MACROD2: variants seen among roughly 807,000 people sequenced by gnomAD.
MACROD2 encodes the protein ADP-ribose glycohydrolase MACROD2.
A neutral mutation model predicts 70.4 loss-of-function variants in MACROD2; 36 were observed. That is an observed-to-expected ratio of 0.51 (90% CI 0.39 to 0.68). The LOEUF (loss-of-function observed/expected upper bound fraction) is 0.68. MACROD2 is among the 30% of genes least tolerant of loss of function. The pLI is 0.00. For missense variants in MACROD2, 496 were observed against 538.4 expected, an observed-to-expected ratio of 0.92 and a Z score of 0.78; for synonymous variants, 172 against 178.8, an observed-to-expected ratio of 0.96 and a Z score of 0.30.
At chr20:15,938,525 T>G (rs1241916190) in intron 12 of MACROD2, among the ~76,000 whole-genome samples, 1 of 152,178 alleles carries the variant, frequency 6.6e-6, no homozygotes, top group Non-Finnish European at 1.5e-5. Context: ...ACTGTGCCCA[T>G]ATAAGATAGT....
chr20:14,744,915 C>T (rs942824552), intron 5 of MACROD2, among the ~76,000 whole-genome samples: 1 of 152,108 alleles, frequency 6.6e-6, no homozygotes, highest in Non-Finnish European at 1.5e-5. Context: ...AAGTAAGAAA[C>T]GTTTGTTTTT....
chr20:14,619,530 GGGAA>G (rs1359505732), intron 4 of MACROD2, among the ~76,000 whole-genome samples: 4 of 128,160 alleles, frequency 3.1e-5, no homozygotes, highest in African/African-American at 8.9e-5. Context: ...GAAGGAGGGA[GGGAA>G]GGAAGGAAGG....
At chr20:15,799,934 T>C (rs1465743258) in intron 8 of MACROD2, among the ~76,000 whole-genome samples, 1 of 152,232 alleles carries the variant, frequency 6.6e-6, no homozygotes, top group East Asian at 1.9e-4. Flanking sequence ...GTCAACACTT[T>C]TTTTTCTTTT....
At chr20:15,508,516 C>T (rs1322070731) in intron 8 of MACROD2, among the ~76,000 whole-genome samples, 1 of 152,120 alleles carries the variant, frequency 6.6e-6, no homozygotes, top group Non-Finnish European at 1.5e-5. Flanking sequence ...TGCATTCTGT[C>T]TTCACAAAAC....
At chr20:15,431,521 T>C (rs2146357749) in intron 7 of MACROD2, 86 bp downstream of exon 7, 1 of 1,249,442 alleles carries the variant, frequency 8.0e-7, no homozygotes, top group Admixed American at 1.8e-5. Context: ...AGAGGTTCTC[T>C]GATGAATATA....
At chr20:15,835,328 C>A (rs1235180502) in intron 8 of MACROD2, among the ~76,000 whole-genome samples, 1 of 151,782 alleles carries the variant, frequency 6.6e-6, no homozygotes, top group Non-Finnish European at 1.5e-5. Context: ...TTCTTCCTCC[C>A]CCCTTTTCCA....
intron 8 of MACROD2, among the ~76,000 whole-genome samples, chr20:15,511,455 A>G (rs1253053977): frequency 2.0e-5 from 3 of 152,144 alleles, no homozygotes; most frequent in African/African-American, 7.2e-5. Context: ...GGGGTCTTTA[A>G]AAAAAGGCCC....
At chr20:14,963,400 A>T (rs1357031452) in intron 5 of MACROD2, among the ~76,000 whole-genome samples, 1 of 152,088 alleles carries the variant, frequency 6.6e-6, no homozygotes, top group East Asian at 1.9e-4. Context: ...TCATTATTCT[A>T]TTAGACAATG....
intron 3 of MACROD2, among the ~76,000 whole-genome samples, chr20:14,440,712 A>G (rs2084111170): frequency 6.6e-6 from 1 of 152,192 alleles, no homozygotes; most frequent in African/African-American, 2.4e-5. Context: ...GGAAAAGGGA[A>G]AACCATTGCT....
chr20:14,049,369 A>G (rs568750569), intron 2 of MACROD2, among the ~76,000 whole-genome samples: 181 of 151,996 alleles, frequency 1.2e-3, no homozygotes, highest in South Asian at 9.3e-3. Context: ...ACCTCAAGGA[A>G]CTCTATTTGT....
In MACROD2 at chr20:14,845,624, C is replaced by T. The variant is rs147727515; in HGVS notation, c.418+160665C>T. Among the ~76,000 whole-genome samples, 403 of 152,192 alleles carry T rather than the reference C, an allele frequency of 2.6e-3. 4 individuals are homozygous for T. The highest frequency in any genetic ancestry group is 4.5e-3 in the Non-Finnish European group (308 of 67,996). On this transcript the variant is annotated intron_variant, in intron 5 of 17. Coordinates refer to ENST00000684519, the MANE Select transcript of MACROD2 (RefSeq NM_001351661.2). ...CTTCAAAGGAGAGCAGAATGCATTT[C>T]TTGTACAGAATTCCTGGATATGTTT...
rs368929928 is a variant in MACROD2, at chr20:15,171,383, C to G, written c.419-58557C>G. Among the ~76,000 whole-genome samples the G allele has an allele frequency of 6.6e-5, 10 of 150,956 alleles. No individual in the cohort carries two copies. The East Asian group carries it at 1.8e-3, about 27-fold the overall frequency. ...TCCCCTCCATCCTTCCCCCACCTTTCTCCTTGTGTCTCTCTTTCTCCATTT... is the reference window on the plus strand; with the variant it reads ...TCCCCTCCATCCTTCCCCCACCTTTGTCCTTGTGTCTCTCTTTCTCCATTT... On this transcript the variant is annotated intron_variant, in intron 5 of 17. Transcript: ENST00000684519.
intron 17 of MACROD2, among the ~76,000 whole-genome samples, chr20:16,048,945 A>G (rs891543776): frequency 6.6e-6 from 1 of 152,230 alleles, no homozygotes; most frequent in Admixed American, 6.5e-5. Flanking sequence ...AAAGTGACAT[A>G]TACATACATG....
At chr20:15,740,711 C>CT (rs11474009) in intron 8 of MACROD2, among the ~76,000 whole-genome samples, 4,272 of 144,994 alleles carry the variant, frequency 0.029, 181 homozygotes, top group African/African-American at 0.093. Flanking sequence ...TACATGGAGC[C>CT]TTTTTTTTTT....
intron 2 of MACROD2, among the ~76,000 whole-genome samples, chr20:14,020,013 A>C (rs1193986565): frequency 3.3e-5 from 5 of 152,110 alleles, no homozygotes; most frequent in Non-Finnish European, 4.4e-5. Context: ...ATTTCTTTCA[A>C]AATTAGCTCG....
At chr20:15,620,039 T>A (rs2049102806) in intron 8 of MACROD2, among the ~76,000 whole-genome samples, 1 of 152,096 alleles carries the variant, frequency 6.6e-6, no homozygotes. Context: ...GGTAGGAGAC[T>A]GCCGTTGTGA....
chr20:14,279,226 G>T (rs536707193), intron 3 of MACROD2, among the ~76,000 whole-genome samples: 2 of 152,238 alleles, frequency 1.3e-5, no homozygotes, highest in African/African-American at 4.8e-5. Flanking sequence ...GACAGAGAAG[G>T]AAAATAATTT....
At chr20:15,400,041 C>T (rs1294306470) in intron 6 of MACROD2, among the ~76,000 whole-genome samples, 2 of 152,054 alleles carry the variant, frequency 1.3e-5, no homozygotes, top group African/African-American at 4.8e-5. Context: ...CACTTAACTG[C>T]CCTCCAAGAA....
At chr20:14,144,207 A>T (rs2054914628) in intron 3 of MACROD2, among the ~76,000 whole-genome samples, 1 of 152,188 alleles carries the variant, frequency 6.6e-6, no homozygotes, top group Non-Finnish European at 1.5e-5. Flanking sequence ...TTCTATGCTA[A>T]AGAAAAGCAA....
Sources: gnomAD v4.1 joint callset for allele counts (sites outside exome capture counted in the v4.1 genomes callset) on GRCh38, gnomAD v4.1.1 for gene constraint, MANE v1.5 for transcripts, NCBI Gene and HGNC (gene_info 2026-07-23, HGNC 2026-07-21) for gene names.